The following ST18 variants were observed in gnomAD, a reference collection of about 807,000 sequenced individuals.
ST18 encodes ST18 C2H2C-type zinc finger transcription factor, also known as suppression of tumorigenicity 18 protein.
Under a neutral mutation model 110.0 loss-of-function variants are expected in ST18, and 50 were observed. The observed-to-expected ratio is 0.45, with a 90% CI of 0.36 to 0.58. The LOEUF (loss-of-function observed/expected upper bound fraction) is 0.58. Ranked by LOEUF, ST18 falls within the 20% of genes least tolerant of loss-of-function variation. ST18 has a pLI of 0.00. For synonymous variants in ST18, 461 were observed against 452.4 expected (o/e 1.02, Z -0.24); for missense variants, 1,306 against 1,280.1 (o/e 1.02, Z -0.31).
intron 2 of ST18, among the ~76,000 whole-genome samples, chr8:52,333,832 C>T (rs577468058): frequency 1.8e-4 from 28 of 152,304 alleles, no homozygotes; most frequent in African/African-American, 6.7e-4. Flanking sequence ...CTCACTTGTA[C>T]ATGTATTGAG....
At chr8:52,299,535 C>G (rs2095684708) in intron 2 of ST18, among the ~76,000 whole-genome samples, 1 of 152,196 alleles carries the variant, frequency 6.6e-6, no homozygotes, top group African/African-American at 2.4e-5. Flanking sequence ...TAATTACCCT[C>G]TCTCAAACAT....
chr8:52,188,073 C>T (rs919345159), intron 8 of ST18, among the ~76,000 whole-genome samples: 2 of 151,964 alleles, frequency 1.3e-5, no homozygotes, highest in African/African-American at 2.4e-5. Context: ...TTATCAATGT[C>T]GTAAGTTTTA....
intron 2 of ST18, among the ~76,000 whole-genome samples, chr8:52,303,362 C>T (rs2139576051): frequency 6.6e-6 from 1 of 152,342 alleles, no homozygotes; most frequent in Middle Eastern, 3.4e-3. Context: ...TTTCATGTCT[C>T]TCTTTTCTTG....
chr8:52,149,015 C>T (rs936745355), intron 16 of ST18, among the ~76,000 whole-genome samples: 4 of 152,210 alleles, frequency 2.6e-5, no homozygotes, highest in Non-Finnish European at 1.5e-5. Flanking sequence ...TGCAATTACA[C>T]AGAGTCTAAA....
At chr8:52,318,470 C>G (rs1358423046) in intron 2 of ST18, among the ~76,000 whole-genome samples, 1 of 152,174 alleles carries the variant, frequency 6.6e-6, no homozygotes, top group Non-Finnish European at 1.5e-5. Flanking sequence ...TTGGTTCAAC[C>G]ATTGCGGAAG....
At position 52,310,203 on chromosome 8, in the gene ST18, C is replaced by T. The variant is rs772865956; in HGVS notation, c.-464-80126G>A. Among the ~76,000 whole-genome samples the T allele has an allele frequency of 2.1e-4, 32 of 152,194 alleles. No homozygotes were observed. The East Asian group carries it at 2.7e-3, about 13-fold the overall frequency. On this transcript the variant is annotated intron_variant, in intron 2 of 25. Coordinates refer to ENST00000689386, the MANE Select transcript of ST18 (RefSeq NM_001352837.2). Reference sequence around the variant, plus strand: ...CAGTTTAATGGGAGTGATGATGGCCCGGCAATTATGAATCTTGGTTGCTAC... The same window carrying T: ...CAGTTTAATGGGAGTGATGATGGCCTGGCAATTATGAATCTTGGTTGCTAC...
At chr8:52,223,959 A>G (rs2088127159) in intron 3 of ST18, among the ~76,000 whole-genome samples, 1 of 152,180 alleles carries the variant, frequency 6.6e-6, no homozygotes, top group Admixed American at 6.5e-5. Flanking sequence ...TAATAAGTAA[A>G]CATAAAAATT....
At chr8:52,161,346 G>A in intron 14 of ST18, 29 bp downstream of exon 14, 1 of 1,602,632 alleles carries the variant, frequency 6.2e-7, no homozygotes, top group Non-Finnish European at 8.5e-7. Flanking sequence ...AAGCATTTTG[G>A]GGAAACGGCA....
intron 2 of ST18, among the ~76,000 whole-genome samples, chr8:52,306,199 TGCCAGCTCTG>T (rs778787457): frequency 3.3e-4 from 50 of 152,368 alleles, no homozygotes; most frequent in Non-Finnish European, 6.8e-4. Flanking sequence ...TTTTCAGTGA[TGCCAGCTCTG>T]GCCATCTTAA....
At position 52,332,360 on chromosome 8, in the gene ST18, C is replaced by T. The variant is rs187182734; in HGVS notation, c.-465+76968G>A. On this transcript the variant is annotated intron_variant, in intron 2 of 25. Coordinates refer to ENST00000689386, the MANE Select transcript of ST18 (RefSeq NM_001352837.2). ...TCACAACATTTTCTCTAAGAAATAT[C>T]TTCAAGTGCCTAAACCTTGCTCAGT... 1.3e-3 allele frequency among the ~76,000 whole-genome samples: 198 copies of T among 152,040 alleles called. 1 individual carries two copies. Among genetic ancestry groups the T allele is most frequent in the African/African-American group, 4.6e-3 (190 of 41,496 alleles).
At chr8:52,271,961 T>A (rs1008928815) in intron 2 of ST18, among the ~76,000 whole-genome samples, 2 of 152,228 alleles carry the variant, frequency 1.3e-5, no homozygotes, top group Admixed American at 6.5e-5. Context: ...GCAGATTAAG[T>A]CAGAGGAGTG....
intron 2 of ST18, chr8:52,248,408 A>G (rs895416222): frequency 6.6e-6 from 1 of 152,192 alleles, no homozygotes; most frequent in Non-Finnish European, 1.5e-5. Flanking sequence ...TTTCGATGAG[A>G]CCTTCAGAGT....
At chr8:52,226,428 C>T (rs2089441109) in intron 3 of ST18, among the ~76,000 whole-genome samples, 3 of 152,156 alleles carry the variant, frequency 2.0e-5, no homozygotes, top group Non-Finnish European at 4.4e-5. Context: ...CTTGTAAACA[C>T]CTACAGAAAG....
chr8:52,382,547 A>G (rs1366557325), intron 2 of ST18, among the ~76,000 whole-genome samples: 1 of 152,202 alleles, frequency 6.6e-6, no homozygotes, highest in African/African-American at 2.4e-5. Context: ...TTCTTTTTGT[A>G]TAGCAGAACA....
At chr8:52,232,720 T>G (rs2091765314) in intron 2 of ST18, among the ~76,000 whole-genome samples, 1 of 152,064 alleles carries the variant, frequency 6.6e-6, no homozygotes, top group Admixed American at 6.6e-5. Flanking sequence ...TATTTTGCAA[T>G]ACTGTTCACA....
chr8:52,296,544 C>T (rs1424726365), intron 2 of ST18: 1 of 152,168 alleles, frequency 6.6e-6, no homozygotes, highest in Non-Finnish European at 1.5e-5. Context: ...TTCTGACCGT[C>T]ACTTACTGGT....
At chr8:52,262,530 A>G (rs62499803) in intron 2 of ST18, among the ~76,000 whole-genome samples, 18,303 of 152,290 alleles carry the variant, frequency 0.12, 1,487 homozygotes, top group Middle Eastern at 0.24. Context: ...CTGAATGACT[A>G]TGTGTACCAA....
intron 2 of ST18, among the ~76,000 whole-genome samples, chr8:52,258,576 C>T (rs1233151818): frequency 6.6e-6 from 1 of 152,104 alleles, no homozygotes; most frequent in Admixed American, 6.6e-5. Context: ...TATCTTGCAG[C>T]CTTGCTAAAC....
intron 22 of ST18, among the ~76,000 whole-genome samples, chr8:52,130,157 AAG>A (rs1220793747): frequency 6.7e-6 from 1 of 149,584 alleles, no homozygotes; most frequent in Non-Finnish European, 1.5e-5. Flanking sequence ...GAAAGAAAGA[AAG>A]AAAGAAAAAG....
Sources: gnomAD v4.1 joint callset for allele counts (sites outside exome capture counted in the v4.1 genomes callset) on GRCh38, gnomAD v4.1.1 for gene constraint, MANE v1.5 for transcripts, NCBI Gene and HGNC (gene_info 2026-07-23, HGNC 2026-07-21) for gene names.